The following PRKN variants were observed in gnomAD, a reference collection of about 807,000 sequenced individuals.
The protein encoded by PRKN is E3 ubiquitin-protein ligase parkin.
PRKN carries 56 observed loss-of-function variants against 59.5 expected under a neutral mutation model. That is an observed-to-expected ratio of 0.94 (90% CI 0.76 to 1.18). The LOEUF is 1.18. Ranked by LOEUF, PRKN falls within the 50% of genes most tolerant of loss-of-function variation. The pLI is 0.00. For synonymous variants in PRKN, 250 were observed against 222.1 expected (o/e 1.13, Z -1.12); for missense variants, 657 against 596.4 (o/e 1.10, Z -1.06).
intron 2 of PRKN, among the ~76,000 whole-genome samples, chr6:162,289,580 C>G (rs1295916688): frequency 6.6e-6 from 1 of 151,732 alleles, no homozygotes; most frequent in Admixed American, 6.6e-5. Context: ...ACCTGTAATC[C>G]CAGCTACTTA....
intron 7 of PRKN, among the ~76,000 whole-genome samples, chr6:161,615,307 C>G (rs1782651421): frequency 6.6e-6 from 1 of 151,974 alleles, no homozygotes; most frequent in Admixed American, 6.6e-5. Flanking sequence ...AACCCCAAAG[C>G]TATTATTAAT....
At position 162,396,719 on chromosome 6, in the gene PRKN, A is replaced by G. The variant is rs74397571; in HGVS notation, c.171+46591T>C. Among the ~76,000 whole-genome samples the G allele has an allele frequency of 6.6e-3, 1,008 of 152,266 alleles. 8 individuals are homozygous for G. The highest frequency in any genetic ancestry group is 0.014 in the Middle Eastern group (4 of 294). On this transcript the variant is annotated intron_variant, in intron 2 of 11. Transcript: ENST00000366898. ...CTGTGCTGATAAAGGCCAGTGTAAG[A>G]TCGATATAAATTAATCACCCTCCCA...
intron 7 of PRKN, among the ~76,000 whole-genome samples, chr6:161,681,118 G>A (rs1246518600): frequency 6.6e-6 from 1 of 151,824 alleles, no homozygotes; most frequent in Non-Finnish European, 1.5e-5. Flanking sequence ...CTGCCACCAC[G>A]CCCAGTGAAT....
At chr6:162,273,811 A>G (rs1780492738) in intron 2 of PRKN, among the ~76,000 whole-genome samples, 1 of 152,202 alleles carries the variant, frequency 6.6e-6, no homozygotes, top group Admixed American at 6.5e-5. Context: ...ACAATTATCA[A>G]CTTGAGTCCA....
At chr6:161,387,726 G>T (rs1562413371) in intron 9 of PRKN, among the ~76,000 whole-genome samples, 1 of 152,146 alleles carries the variant, frequency 6.6e-6, no homozygotes, top group Admixed American at 6.6e-5. Flanking sequence ...GGTGGCTATG[G>T]GCTGAACCGT....
chr6:162,266,398 A>G (rs901744377), intron 2 of PRKN: 4 of 152,056 alleles, frequency 2.6e-5, no homozygotes, highest in Non-Finnish European at 5.9e-5. Flanking sequence ...ACTTGGCCAT[A>G]GTAGCATTCA....
chr6:162,189,669 T>G (rs1784189649), intron 4 of PRKN, among the ~76,000 whole-genome samples: 1 of 151,900 alleles, frequency 6.6e-6, no homozygotes, highest in African/African-American at 2.4e-5. Context: ...CAAGACTTAA[T>G]TTTTTGGTCA....
rs549733955 is a variant in PRKN, at chr6:161,602,375, G to A, written c.872-32959C>T. 2.0e-3 allele frequency among the ~76,000 whole-genome samples: 310 copies of A among 152,284 alleles called. 3 individuals are homozygous for A. The highest frequency in any genetic ancestry group is 7.1e-3 in the African/African-American group (297 of 41,546). ...AATAATCTTACTAAAACAAAACTGGGTGCAAGTGAAATTCAACACCGGCTT... is the reference window on the plus strand; with the variant it reads ...AATAATCTTACTAAAACAAAACTGGATGCAAGTGAAATTCAACACCGGCTT... On this transcript the variant is annotated intron_variant, in intron 7 of 11. Coordinates refer to ENST00000366898, the MANE Select transcript of PRKN (RefSeq NM_004562.3).
At chr6:161,521,121 T>C (rs1401777605) in intron 9 of PRKN, among the ~76,000 whole-genome samples, 1 of 152,180 alleles carries the variant, frequency 6.6e-6, no homozygotes, top group Non-Finnish European at 1.5e-5. Flanking sequence ...GCTACAAAGA[T>C]TGACAATTAT....
intron 6 of PRKN, among the ~76,000 whole-genome samples, chr6:161,866,321 AT>A (rs1794108629): frequency 6.6e-6 from 1 of 152,174 alleles, no homozygotes; most frequent in Admixed American, 6.5e-5. Flanking sequence ...CACACCTGTA[AT>A]CCCAGCACTT....
At chr6:162,437,936 T>C (rs1045291272) in intron 2 of PRKN, among the ~76,000 whole-genome samples, 6 of 152,210 alleles carry the variant, frequency 3.9e-5, no homozygotes, top group African/African-American at 1.4e-4. Flanking sequence ...TTCTCTAGGA[T>C]AAATAACTAA....
chr6:161,378,760 T>C lies in PRKN; in HGVS notation c.1167+8034A>G, dbSNP rs896934367. On this transcript the variant is annotated intron_variant, in intron 10 of 11. Coordinates refer to ENST00000366898, the MANE Select transcript of PRKN (RefSeq NM_004562.3). The surrounding 1 kb of genome is among the most constrained non-coding windows in gnomAD (Gnocchi z 7.3). ...TGGAGCTGCACTGTGATGTGGGCGC[T>C]ATCCTCTAAGGTGAGATTTACACTC... Among the ~76,000 whole-genome samples the C allele has an allele frequency of 1.3e-5, 2 of 152,150 alleles. No homozygotes were observed. Among genetic ancestry groups the C allele is most frequent in the Admixed American group, 6.5e-5 (1 of 15,274 alleles).
chr6:162,021,557 T>A (rs985256358), intron 5 of PRKN, among the ~76,000 whole-genome samples: 1 of 151,504 alleles, frequency 6.6e-6, no homozygotes, highest in Non-Finnish European at 1.5e-5. Context: ...GACTAAAATA[T>A]CCCCACATGC....
At chr6:162,175,935 C>A (rs1358532245) in intron 4 of PRKN, among the ~76,000 whole-genome samples, 1 of 152,208 alleles carries the variant, frequency 6.6e-6, no homozygotes, top group Non-Finnish European at 1.5e-5. Flanking sequence ...GAGTGCTCTC[C>A]ACCATGTAGC....
At chr6:162,141,184 T>C (rs942241949) in intron 4 of PRKN, among the ~76,000 whole-genome samples, 2 of 152,070 alleles carry the variant, frequency 1.3e-5, no homozygotes, top group African/African-American at 4.8e-5. Flanking sequence ...ATTTATGATA[T>C]AGTGACTATT....
At chr6:161,987,865 G>GTGT (rs1189637088) in intron 5 of PRKN, among the ~76,000 whole-genome samples, 2 of 152,178 alleles carry the variant, frequency 1.3e-5, no homozygotes, top group African/African-American at 4.8e-5. Context: ...AATGTATGCT[G>GTGT]TGTTGGAGAG....
chr6:162,373,911 A>G (rs757352112), intron 2 of PRKN, among the ~76,000 whole-genome samples: 49 of 152,132 alleles, frequency 3.2e-4, no homozygotes, highest in Non-Finnish European at 6.3e-4. Context: ...AAGGAAAATG[A>G]TGTACAGAAA....
intron 6 of PRKN, among the ~76,000 whole-genome samples, chr6:161,895,130 G>A (rs1180150356): frequency 6.6e-6 from 1 of 152,200 alleles, no homozygotes; most frequent in Non-Finnish European, 1.5e-5. Flanking sequence ...TGAGAAGAAT[G>A]AAAGAGAAAT....
chr6:162,590,483 G>C (rs1228753673), intron 1 of PRKN, among the ~76,000 whole-genome samples: 4 of 152,254 alleles, frequency 2.6e-5, no homozygotes, highest in Non-Finnish European at 4.4e-5. Flanking sequence ...CAATAAAGCA[G>C]AAAACAAGTG....
Sources: allele counts gnomAD v4.1 joint callset (sites outside exome capture counted in the v4.1 genomes callset), GRCh38; gene constraint gnomAD v4.1.1; non-coding constraint Gnocchi (gnomAD v3.1); transcripts MANE v1.5; gene names NCBI Gene and HGNC (gene_info 2026-07-23, HGNC 2026-07-21).